Variants in SLIT2 observed in about 807,000 individuals in gnomAD.
The protein encoded by SLIT2 is slit guidance ligand 2, also known as slit homolog 2 protein.
In SLIT2, 41 loss-of-function variants were observed where a neutral mutation model predicts 185.7. The observed-to-expected ratio is 0.22, with a 90% confidence interval of 0.17 to 0.29. The LOEUF (loss-of-function observed/expected upper bound fraction) is 0.29. Among genes scored for constraint, SLIT2 ranks in the 10% least tolerant of loss-of-function variants. The pLI is 1.00. For synonymous variants in SLIT2, 693 were observed against 680.2 expected (o/e 1.02, Z -0.29); for missense variants, 1,571 against 1,909.0 (o/e 0.82, Z 3.30).
intron 4 of SLIT2, among the ~76,000 whole-genome samples, chr4:20,387,617 G>T (rs1434847345): frequency 6.6e-6 from 1 of 152,106 alleles, no homozygotes; most frequent in Non-Finnish European, 1.5e-5. Flanking sequence ...CAGCAAAAGA[G>T]GCCAAAGAGC....
chr4:20,273,093 A>AT (rs554635340), intron 4 of SLIT2, among the ~76,000 whole-genome samples: 5 of 152,052 alleles, frequency 3.3e-5, no homozygotes, highest in East Asian at 3.9e-4. Context: ...GGAAAACTTA[A>AT]TTTTTTTTAT....
intron 4 of SLIT2, among the ~76,000 whole-genome samples, chr4:20,447,131 A>G (rs999863032): frequency 1.3e-5 from 2 of 152,184 alleles, no homozygotes; most frequent in East Asian, 1.9e-4. Context: ...TTGGATGGAA[A>G]ACATCAACCC....
chr4:20,475,822 TC>T (rs1248451410), intron 5 of SLIT2, among the ~76,000 whole-genome samples: 1 of 152,168 alleles, frequency 6.6e-6, no homozygotes, highest in Non-Finnish European at 1.5e-5. Context: ...GCAGGTTCCC[TC>T]CCCATCTCTA....
At chr4:20,357,557 A>G (rs1024973968) in intron 4 of SLIT2, among the ~76,000 whole-genome samples, 2 of 152,094 alleles carry the variant, frequency 1.3e-5, no homozygotes, top group African/African-American at 4.8e-5. Flanking sequence ...CCTATATATC[A>G]TTACTAGTTT....
chr4:20,352,045 T>C lies in SLIT2; in HGVS notation c.395+83164T>C, dbSNP rs183955123. Among the ~76,000 whole-genome samples the C allele has an allele frequency of 1.3e-5, 2 of 152,342 alleles. 1 individual carries two copies. Among genetic ancestry groups the C allele is most frequent in the East Asian group, 3.9e-4 (2 of 5,170 alleles). ...AGAGCGAGAATGACATTATATCTGC[T>C]GCTTGTTAAATAGATTCTCAGTTTA... On this transcript the variant is annotated intron_variant, in intron 4 of 36. Transcript: ENST00000504154.
Position 20,254,924 on chromosome 4 carries a change from C to T in SLIT2, c.179+930C>T, listed in dbSNP as rs1380542470. On this transcript the variant is annotated intron_variant, in intron 1 of 36. Coordinates refer to ENST00000504154, the MANE Select transcript of SLIT2 (RefSeq NM_004787.4). This position sits in a 1 kb window ranked among gnomAD's most constrained non-coding sequence, Gnocchi z 5.1. Reference sequence around the variant, plus strand: ...AGACGTCCCCGCCTCCCTGTCTTTGCGAGTCTCTAATGAAGAAGTAAATGC... The same window carrying T: ...AGACGTCCCCGCCTCCCTGTCTTTGTGAGTCTCTAATGAAGAAGTAAATGC... 12 of 456,154 alleles carry T rather than the reference C, an allele frequency of 2.6e-5. No homozygotes were observed. The highest frequency in any genetic ancestry group is 4.4e-5 in the Non-Finnish European group (10 of 226,956). The allele number at this position is 456,154 out of a possible 1,614,324, so 28.3% of individuals were successfully genotyped here. A position where few individuals can be genotyped will look rare whatever the true frequency, so the allele number is the denominator to read the frequency against.
chr4:20,296,285 A>T (rs1377293072), intron 4 of SLIT2, among the ~76,000 whole-genome samples: 2 of 152,248 alleles, frequency 1.3e-5, no homozygotes, highest in African/African-American at 4.8e-5. Flanking sequence ...AAGCAAAGAG[A>T]ATGAAATAAA....
At chr4:20,338,553 C>A (rs963960325) in intron 4 of SLIT2, among the ~76,000 whole-genome samples, 15 of 152,218 alleles carry the variant, frequency 9.9e-5, no homozygotes, top group South Asian at 2.1e-4. Context: ...AAGCAAGGAG[C>A]TATGCAGCAA....
rs1444197903 is a variant in SLIT2 at position 20,611,472 on chromosome 4, G to T, written c.3847+1305G>T. Among the ~76,000 whole-genome samples the T allele has an allele frequency of 5.9e-5, 9 of 152,306 alleles. No homozygotes were observed. In the East Asian group the frequency reaches 1.5e-3, roughly 26 times the overall value. ...AAATGTCCATTCTACTCCCTAAAAA[G>T]TCAAGAATGCAGAGGCATCTTCAAG... On this transcript the variant is annotated intron_variant, in intron 34 of 36. Coordinates refer to ENST00000504154, the MANE Select transcript of SLIT2 (RefSeq NM_004787.4).
intron 21 of SLIT2, 24 bp from the exon 22 acceptor site, chr4:20,546,007 A>T (rs1245903317): frequency 1.5e-6 from 2 of 1,355,276 alleles, no homozygotes; most frequent in East Asian, 4.7e-5. Context: ...TTGTAAGAAG[A>T]TAATATTGTT....
At chr4:20,476,852 A>C (rs562802552) in intron 5 of SLIT2, among the ~76,000 whole-genome samples, 1 of 152,330 alleles carries the variant, frequency 6.6e-6, no homozygotes, top group African/African-American at 2.4e-5. Flanking sequence ...CCAAGTAAGC[A>C]AATGTTTAAC....
At chr4:20,372,445 G>T (rs1022984282) in intron 4 of SLIT2, among the ~76,000 whole-genome samples, 4 of 151,662 alleles carry the variant, frequency 2.6e-5, no homozygotes, top group South Asian at 2.1e-4. Flanking sequence ...AATAAAACCT[G>T]TTTTCTGACT....
At chr4:20,572,592 C>G (rs531634472) in intron 29 of SLIT2, among the ~76,000 whole-genome samples, 15 of 151,820 alleles carry the variant, frequency 9.9e-5, no homozygotes, top group Non-Finnish European at 2.1e-4. Flanking sequence ...AATGTGGCAC[C>G]CCTGTTTTTT....
chr4:20,556,573 C>T (rs548531334), intron 26 of SLIT2, among the ~76,000 whole-genome samples: 1 of 152,174 alleles, frequency 6.6e-6, no homozygotes, highest in Admixed American at 6.5e-5. Context: ...GATAAGTCCC[C>T]TGTCTCTCTC....
chr4:20,548,485 T>C lies in SLIT2; in HGVS notation c.2346-3T>C. 1.3e-6 allele frequency: 2 copies of C among 1,545,786 alleles called. No individual in the cohort carries two copies. The highest frequency in any genetic ancestry group is 2.2e-5 in the South Asian group (2 of 89,484). On this transcript the variant is annotated splice_region_variant and splice_polypyrimidine_tract_variant and intron_variant, in intron 22 of 36. Coordinates refer to ENST00000504154, the MANE Select transcript of SLIT2 (RefSeq NM_004787.4). ...GTGTACTCCATTTCTTTTTCTCTTT[T>C]AGAGACTTAAGTAACAACAGAATAA...
chr4:20,529,152 TA>T, intron 16 of SLIT2, 53 bp downstream of exon 16: 2 of 1,388,572 alleles, frequency 1.4e-6, no homozygotes, highest in Non-Finnish European at 2.0e-6. Context: ...ATGAAAGCAT[TA>T]AAGCATAAGA....
chr4:20,364,610 G>A (rs1444413254), intron 4 of SLIT2, among the ~76,000 whole-genome samples: 2 of 151,796 alleles, frequency 1.3e-5, no homozygotes, highest in Admixed American at 1.3e-4. Flanking sequence ...TCATTTTCCT[G>A]CTCTGAAGGT....
At chr4:20,437,534 A>T (rs1729433116) in intron 4 of SLIT2, among the ~76,000 whole-genome samples, 1 of 152,110 alleles carries the variant, frequency 6.6e-6, no homozygotes, top group Non-Finnish European at 1.5e-5. Context: ...AGGATCACCT[A>T]AGCCAGGAAG....
At chr4:20,313,901 G>A (rs1452292605) in intron 4 of SLIT2, among the ~76,000 whole-genome samples, 1 of 152,166 alleles carries the variant, frequency 6.6e-6, no homozygotes, top group African/African-American at 2.4e-5. Flanking sequence ...CCATGGATCA[G>A]CACTGGTCCA....
Sources: allele counts gnomAD v4.1 joint callset (sites outside exome capture counted in the v4.1 genomes callset), GRCh38; gene constraint gnomAD v4.1.1; non-coding constraint Gnocchi (gnomAD v3.1); transcripts MANE v1.5; gene names NCBI Gene and HGNC (gene_info 2026-07-23, HGNC 2026-07-21).